Variants in CSMD1 observed in about 807,000 individuals in gnomAD.
The protein encoded by CSMD1 is CUB and Sushi multiple domains 1.
In CSMD1, 213 loss-of-function variants were observed where a neutral mutation model predicts 417.5. The observed-to-expected ratio is 0.51, with a 90% CI of 0.46 to 0.57. The LOEUF is 0.57. Among genes scored for constraint, CSMD1 ranks in the 20% least tolerant of loss-of-function variants. CSMD1 has a pLI of 0.00. For missense variants in CSMD1, 6,923 were observed against 4,529.7 expected (o/e 1.53, Z -15.17); for synonymous variants, 2,862 against 1,736.8 (o/e 1.65, Z -16.11).
At chr8:3,677,307 C>A (rs2117579366) in intron 7 of CSMD1, among the ~76,000 whole-genome samples, 1 of 152,272 alleles carries the variant, frequency 6.6e-6, no homozygotes, top group African/African-American at 2.4e-5. Context: ...ATTGATGTAA[C>A]AAAATGACTT....
chr8:4,538,198 T>G (rs1210003026), intron 2 of CSMD1, among the ~76,000 whole-genome samples: 1 of 151,692 alleles, frequency 6.6e-6, no homozygotes, highest in Non-Finnish European at 1.5e-5. Flanking sequence ...TACATTTTTT[T>G]TTTTTTTGCC....
chr8:3,801,982 GT>G (rs1563095010), intron 5 of CSMD1, among the ~76,000 whole-genome samples: 1 of 152,048 alleles, frequency 6.6e-6, no homozygotes, highest in South Asian at 2.1e-4. Context: ...TTTTTTAGGG[GT>G]GATGAAAATA....
intron 26 of CSMD1, among the ~76,000 whole-genome samples, chr8:3,245,845 T>C (rs1266911231): frequency 6.6e-6 from 1 of 152,232 alleles, no homozygotes; most frequent in African/African-American, 2.4e-5. Context: ...TAATGACTTT[T>C]ATCTGCTTGA....
At chr8:3,260,846 G>T (rs923522963) in intron 26 of CSMD1, among the ~76,000 whole-genome samples, 1 of 152,164 alleles carries the variant, frequency 6.6e-6, no homozygotes, top group East Asian at 1.9e-4. Context: ...ACCCTGTGAA[G>T]AGGATGGAAA....
At chr8:3,450,361 G>A (rs994396209) in intron 12 of CSMD1, among the ~76,000 whole-genome samples, 1 of 151,716 alleles carries the variant, frequency 6.6e-6, no homozygotes, top group Non-Finnish European at 1.5e-5. Context: ...TTCACAACGT[G>A]CAGGTTTGTT....
At chr8:3,239,569 G>A (rs1305366752) in intron 26 of CSMD1, among the ~76,000 whole-genome samples, 7 of 152,148 alleles carry the variant, frequency 4.6e-5, no homozygotes, top group South Asian at 4.1e-4. Context: ...GTAGGGAAGG[G>A]TGGGGGCCTG....
intron 3 of CSMD1, among the ~76,000 whole-genome samples, chr8:4,259,582 A>G (rs1803727940): frequency 6.6e-6 from 1 of 152,130 alleles, no homozygotes; most frequent in Non-Finnish European, 1.5e-5. Context: ...TTACCGATCA[A>G]CGATTGTTTT....
chr8:3,788,882 G>A (rs1563080604), intron 5 of CSMD1, among the ~76,000 whole-genome samples: 1 of 152,166 alleles, frequency 6.6e-6, no homozygotes, highest in Admixed American at 6.5e-5. Context: ...TTTTATACCT[G>A]AAGAAACACA....
chr8:3,668,163 G>A (rs1443160668), intron 7 of CSMD1, among the ~76,000 whole-genome samples: 1 of 152,140 alleles, frequency 6.6e-6, no homozygotes, highest in African/African-American at 2.4e-5. Context: ...GGGGTGTGCA[G>A]AGGGGCTGAC....
At chr8:2,993,801 G>T (rs1806622443) in intron 54 of CSMD1, among the ~76,000 whole-genome samples, 1 of 151,946 alleles carries the variant, frequency 6.6e-6, no homozygotes, top group Non-Finnish European at 1.5e-5. Flanking sequence ...CTTCAATCTG[G>T]CCTGGAGTTA....
intron 1 of CSMD1, among the ~76,000 whole-genome samples, chr8:4,717,563 T>TATCTATCAATCCATCC (rs765602082): frequency 2.9e-5 from 4 of 137,166 alleles, no homozygotes; most frequent in African/African-American, 1.1e-4. Flanking sequence ...TCTATCTATC[T>TATCTATCAATCCATCC]ATCCATCCAT....
intron 2 of CSMD1, among the ~76,000 whole-genome samples, chr8:4,537,555 T>C (rs74483609): frequency 0.01 from 1,551 of 152,360 alleles, 13 homozygotes; most frequent in Non-Finnish European, 0.016. Flanking sequence ...AGATTAGTTT[T>C]CAAGTTGAAA....
At chr8:4,657,432 T>C (rs1221559818) in intron 1 of CSMD1, among the ~76,000 whole-genome samples, 3 of 152,170 alleles carry the variant, frequency 2.0e-5, no homozygotes, top group Admixed American at 1.3e-4. Flanking sequence ...CTGTCTCTCT[T>C]TCTCACTCAC....
At chr8:4,772,741 C>T (rs544625700) in intron 1 of CSMD1, among the ~76,000 whole-genome samples, 1 of 152,162 alleles carries the variant, frequency 6.6e-6, no homozygotes, top group Admixed American at 6.5e-5. Flanking sequence ...GAAGTGGATT[C>T]AGATCCCGGA....
At chr8:4,265,549 C>T (rs12681406) in intron 3 of CSMD1, among the ~76,000 whole-genome samples, 19,181 of 103,670 alleles carry the variant, frequency 0.19, 6,133 homozygotes, top group South Asian at 0.31. Flanking sequence ...TTTACAAATT[C>T]TATTCATATA....
intron 10 of CSMD1, among the ~76,000 whole-genome samples, chr8:3,518,873 C>G (rs1013224228): frequency 4.6e-5 from 7 of 152,118 alleles, no homozygotes; most frequent in Non-Finnish European, 4.4e-5. Context: ...ACAAGACAGT[C>G]CTATTTACAG....
chr8:4,967,493 C>T (rs1444592804), intron 1 of CSMD1, among the ~76,000 whole-genome samples: 5 of 152,122 alleles, frequency 3.3e-5, no homozygotes, highest in Non-Finnish European at 7.4e-5. Flanking sequence ...TATGTACACA[C>T]TCTCATGAAA....
intron 5 of CSMD1, among the ~76,000 whole-genome samples, chr8:3,950,624 C>T (rs73509615): frequency 0.021 from 3,264 of 152,272 alleles, 68 homozygotes; most frequent in East Asian, 0.078. Flanking sequence ...TCAGCAGGAA[C>T]GTGTTTGATC....
chr8:4,422,729 G>GA (rs1213305966), intron 2 of CSMD1, among the ~76,000 whole-genome samples: 1 of 151,640 alleles, frequency 6.6e-6, no homozygotes, highest in Non-Finnish European at 1.5e-5. Flanking sequence ...GATAAACACA[G>GA]AAAAAAGAAA....
Sources: allele counts gnomAD v4.1 joint callset (sites outside exome capture counted in the v4.1 genomes callset), GRCh38; gene constraint gnomAD v4.1.1; transcripts MANE v1.5; gene names NCBI Gene and HGNC (gene_info 2026-07-23, HGNC 2026-07-21).